Variants in ZBTB20 observed in about 807,000 individuals in gnomAD.
ZBTB20 encodes zinc finger and BTB domain containing 20, also known as zinc finger and BTB domain-containing protein 20.
Under a neutral mutation model 56.9 loss-of-function variants are expected in ZBTB20, and 9 were observed. The ratio of observed to expected loss-of-function variants is 0.16; its 90% CI spans 0.10 to 0.28. The LOEUF is 0.28. Among genes scored for constraint, ZBTB20 ranks in the 10% least tolerant of loss-of-function variants. ZBTB20 has a pLI of 1.00. For missense variants in ZBTB20, 655 were observed against 1,003.0 expected (o/e 0.65, Z 4.69); for synonymous variants, 417 against 420.7 (o/e 0.99, Z 0.11).
At chr3:115,146,192 A>T (rs778340356) in intron 1 of ZBTB20, among the ~76,000 whole-genome samples, 1 of 152,174 alleles carries the variant, frequency 6.6e-6, no homozygotes, top group Non-Finnish European at 1.5e-5. Flanking sequence ...CCCAGTTCGG[A>T]GTGAGAGATC....
At chr3:114,901,956 A>C (rs369712507) in intron 3 of ZBTB20, among the ~76,000 whole-genome samples, 5 of 152,258 alleles carry the variant, frequency 3.3e-5, no homozygotes, top group Admixed American at 2.6e-4. Context: ...TTATAATAGG[A>C]AAAAATAATA....
chr3:115,128,038 AT>A (rs952917164), intron 1 of ZBTB20, among the ~76,000 whole-genome samples: 19 of 152,268 alleles, frequency 1.2e-4, no homozygotes, highest in African/African-American at 4.6e-4. Context: ...GTGGTTAGAA[AT>A]TTTCTTGAAT....
intron 3 of ZBTB20, among the ~76,000 whole-genome samples, chr3:114,933,966 T>A (rs530774839): frequency 6.6e-6 from 1 of 152,282 alleles, no homozygotes; most frequent in African/African-American, 2.4e-5. Flanking sequence ...TTGCACTGCA[T>A]TCAGAATCAT....
intron 7 of ZBTB20, among the ~76,000 whole-genome samples, chr3:114,452,130 C>T (rs2091659800): frequency 6.6e-6 from 1 of 151,800 alleles, no homozygotes; most frequent in Non-Finnish European, 1.5e-5. Context: ...GGACAACAGC[C>T]CACAGCAACA....
At position 115,059,214 on chromosome 3, in the gene ZBTB20, A is replaced by T. The variant is rs1327430982; in HGVS notation, c.-507+12005T>A. ...ACATGTCACATTTTCCAGCTTTTTCATGTAACATAAATTTTATTTTGATGT... is the reference window on the plus strand; with the variant it reads ...ACATGTCACATTTTCCAGCTTTTTCTTGTAACATAAATTTTATTTTGATGT... On this transcript the variant is annotated intron_variant, in intron 2 of 11. Coordinates refer to ENST00000675478, the MANE Select transcript of ZBTB20 (RefSeq NM_001348800.3). Among the ~76,000 whole-genome samples, 3 of 152,000 alleles carry T rather than the reference A, an allele frequency of 2.0e-5. No individual in the cohort carries two copies. The South Asian group carries it at 6.2e-4, about 32-fold the overall frequency.
intron 11 of ZBTB20, among the ~76,000 whole-genome samples, chr3:114,340,197 C>T (rs919762755): frequency 1.3e-5 from 2 of 152,056 alleles, no homozygotes; most frequent in African/African-American, 4.8e-5. Flanking sequence ...TGGGCACCAA[C>T]ACACTACACT....
intron 2 of ZBTB20, among the ~76,000 whole-genome samples, chr3:115,059,049 C>A (rs1039753390): frequency 6.6e-6 from 1 of 152,110 alleles, no homozygotes; most frequent in South Asian, 2.1e-4. Flanking sequence ...TTATGCCACT[C>A]ATTTCTCTCC....
Position 114,863,207 on chromosome 3 carries a change from A to G in ZBTB20, c.-417+37097T>C, listed in dbSNP as rs533823154. 5.9e-5 allele frequency among the ~76,000 whole-genome samples: 9 copies of G among 152,268 alleles called. No individual in the cohort carries two copies. In the East Asian group the frequency reaches 1.5e-3, roughly 26 times the overall value. On this transcript the variant is annotated intron_variant, in intron 4 of 11. Coordinates refer to ENST00000675478, the MANE Select transcript of ZBTB20 (RefSeq NM_001348800.3). ...CTGATTAATTACAACATATATCCATAAAGTGGAGGGGATATCTGAAAATCA... is the reference window on the plus strand; with the variant it reads ...CTGATTAATTACAACATATATCCATGAAGTGGAGGGGATATCTGAAAATCA...
At chr3:114,819,914 C>T (rs2073142980) in intron 4 of ZBTB20, among the ~76,000 whole-genome samples, 1 of 151,706 alleles carries the variant, frequency 6.6e-6, no homozygotes, top group Non-Finnish European at 1.5e-5. Flanking sequence ...ATGTAAAAAA[C>T]ATTCTAGTTC....
chr3:114,972,836 C>T (rs1053657125), intron 3 of ZBTB20, among the ~76,000 whole-genome samples: 28 of 151,894 alleles, frequency 1.8e-4, no homozygotes, highest in African/African-American at 6.5e-4. Context: ...TCTTTAATTT[C>T]TCTCTGTCTC....
chr3:114,732,879 A>G (rs1382443848), intron 5 of ZBTB20, among the ~76,000 whole-genome samples: 1 of 152,156 alleles, frequency 6.6e-6, no homozygotes, highest in Non-Finnish European at 1.5e-5. Flanking sequence ...TTAATATTTA[A>G]GAAGGGCTAG....
chr3:114,897,002 G>C (rs2107652946), intron 4 of ZBTB20, among the ~76,000 whole-genome samples: 1 of 152,176 alleles, frequency 6.6e-6, no homozygotes, highest in South Asian at 2.1e-4. Context: ...CTGCAGTAGT[G>C]GTGATGGCGA....
At chr3:114,699,441 G>GT (rs200196167) in intron 5 of ZBTB20, among the ~76,000 whole-genome samples, 1,783 of 150,166 alleles carry the variant, frequency 0.012, 34 homozygotes, top group African/African-American at 0.041. Flanking sequence ...TGGTTAAACA[G>GT]TTTTTTTTTG....
At chr3:115,101,734 A>G (rs1232012958) in intron 1 of ZBTB20, among the ~76,000 whole-genome samples, 2 of 152,196 alleles carry the variant, frequency 1.3e-5, no homozygotes, top group Non-Finnish European at 2.9e-5. Context: ...TGACTTATTC[A>G]AACCCTGCGT....
intron 4 of ZBTB20, among the ~76,000 whole-genome samples, chr3:114,869,602 A>G (rs1231900159): frequency 6.6e-6 from 1 of 152,176 alleles, no homozygotes; most frequent in African/African-American, 2.4e-5. Flanking sequence ...TTCAAAGCCT[A>G]CCGTGTTAAT....
At chr3:115,029,177 A>G (rs1576601835) in intron 2 of ZBTB20, among the ~76,000 whole-genome samples, 1 of 150,978 alleles carries the variant, frequency 6.6e-6, no homozygotes, top group East Asian at 1.9e-4. Context: ...CTAACACTAC[A>G]AGAAAAATGT....
chr3:115,127,564 G>C (rs534563702), intron 1 of ZBTB20, among the ~76,000 whole-genome samples: 4 of 152,202 alleles, frequency 2.6e-5, no homozygotes, highest in Admixed American at 1.3e-4. Flanking sequence ...ATGCACTCCA[G>C]CCTGGGCAAT....
chr3:114,549,338 C>T (rs1036935176), intron 6 of ZBTB20, among the ~76,000 whole-genome samples: 2 of 152,146 alleles, frequency 1.3e-5, no homozygotes, highest in African/African-American at 4.8e-5. Flanking sequence ...TACAGTGGGA[C>T]AATTACATAT....
intron 1 of ZBTB20, among the ~76,000 whole-genome samples, chr3:115,137,148 A>G (rs1299674105): frequency 6.6e-6 from 1 of 152,118 alleles, no homozygotes; most frequent in East Asian, 1.9e-4. Context: ...GAGAATAAAG[A>G]AAATATCAGA....
Sources: gnomAD v4.1 joint callset for allele counts (sites outside exome capture counted in the v4.1 genomes callset) on GRCh38, gnomAD v4.1.1 for gene constraint, MANE v1.5 for transcripts, NCBI Gene and HGNC (gene_info 2026-07-23, HGNC 2026-07-21) for gene names.